GOLGB1: variants seen among roughly 807,000 people sequenced by gnomAD.
GOLGB1 encodes the protein golgin subfamily B member 1.
A neutral mutation model predicts 336.9 loss-of-function variants in GOLGB1; 174 were observed. That is an observed-to-expected ratio of 0.52 (90% CI 0.46 to 0.59). The LOEUF (loss-of-function observed/expected upper bound fraction) is 0.59, where lower values mean the gene tolerates loss of function less well. Ranked by LOEUF, GOLGB1 falls within the 20% of genes least tolerant of loss-of-function variation. The pLI, the probability that GOLGB1 is intolerant of heterozygous loss-of-function variation, is 0.00. For synonymous variants in GOLGB1, 1,208 were observed against 1,289.2 expected (o/e 0.94, Z 1.35); for missense variants, 3,331 against 3,645.3 (o/e 0.91, Z 2.22).
Position 121,698,499 on chromosome 3 carries a change from T to G in GOLGB1, c.2024A>C (p.Lys675Thr), listed in dbSNP as rs775081619. The change falls in exon 13 of 22, where the codon AAA becomes ACA. Residue 675 changes from lysine (K) to threonine (T), a missense_variant. Transcript: ENST00000614479. ...ELKSTKQDGDKSLSAVPDIGQ... is the reference protein window; with the variant it reads ...ELKSTKQDGDTSLSAVPDIGQ... ...AATATCTGGTACAGCAGAAAGGGAT[T>G]TATCACCATCCTGCTTTGTTGATTT... The G allele has an allele frequency of 1.9e-6, 3 of 1,613,540 alleles. No homozygotes were observed. The highest frequency in any genetic ancestry group is 2.5e-6 in the Non-Finnish European group (3 of 1,179,662).
chr3:121,664,532 T>C lies in GOLGB1; in HGVS notation c.9743A>G (p.Tyr3248Cys). The change falls in exon 22 of 22, where the codon TAC becomes TGC. Residue 3248 changes from tyrosine (Y) to cysteine (C), a missense_variant. Coordinates refer to ENST00000614479, the MANE Select transcript of GOLGB1 (RefSeq NM_001366282.2). ...GAGCAGGACATGAATCATTAGAAAGTAGATGGCTGCTAGAAGTGGCACTCG... is the reference window on the plus strand; with the variant it reads ...GAGCAGGACATGAATCATTAGAAAGCAGATGGCTGCTAGAAGTGGCACTCG... ...RTRVPLLAAIYFLMIHVLLIL... is the reference protein window; with the variant it reads ...RTRVPLLAAICFLMIHVLLIL... 1 of 1,613,738 alleles carries C rather than the reference T, an allele frequency of 6.2e-7. No individual in the cohort carries two copies. Among genetic ancestry groups the C allele is most frequent in the Non-Finnish European group, 8.5e-7 (1 of 1,179,678 alleles).
Position 121,692,449 on chromosome 3 carries a change from G to A in GOLGB1, c.6915C>T (p.Tyr2305=). 2 of 1,613,978 alleles carry A rather than the reference G, an allele frequency of 1.2e-6. No homozygotes were observed. Among genetic ancestry groups the A allele is most frequent in the Non-Finnish European group, 1.7e-6 (2 of 1,179,924 alleles). ...TAGCTAATTCATTCTGAGAACTGTGGTATAGGTGGCGTGTCTCTTCTAGCT... is the reference window on the plus strand; with the variant it reads ...TAGCTAATTCATTCTGAGAACTGTGATATAGGTGGCGTGTCTCTTCTAGCT... ...LSQLEETRHL[Y]HSSQNELAKL... The change falls in exon 14 of 22, where the codon TAC becomes TAT. Residue 2305 remains tyrosine (Y), a synonymous_variant. Coordinates refer to ENST00000614479, the MANE Select transcript of GOLGB1 (RefSeq NM_001366282.2).
intron 12 of GOLGB1, 44 bp from the exon 13 acceptor site, chr3:121,698,973 T>C (rs1255239747): frequency 2.9e-6 from 4 of 1,394,122 alleles, no homozygotes; most frequent in Non-Finnish European, 3.9e-6. Context: ...AAATGTTTTA[T>C]AACATTAAAA....
intron 5 of GOLGB1, among the ~76,000 whole-genome samples, chr3:121,725,479 C>G (rs1338358426): frequency 6.6e-6 from 1 of 152,138 alleles, no homozygotes; most frequent in Non-Finnish European, 1.5e-5. Flanking sequence ...AATGTGAACC[C>G]TATGCTTGTC....
At chr3:121,668,886 C>G (rs1390420473) in intron 18 of GOLGB1, among the ~76,000 whole-genome samples, 1 of 152,122 alleles carries the variant, frequency 6.6e-6, no homozygotes, top group East Asian at 1.9e-4. Flanking sequence ...GTTTTGTTCT[C>G]AGATCCAAAG....
At position 121,664,371 on chromosome 3, in the gene GOLGB1, GAGA is replaced by G. The variant is rs1271677629; in HGVS notation, c.*106_*108del. On this transcript the variant is annotated 3_prime_UTR_variant, in exon 22 of 22. Coordinates refer to ENST00000614479, the MANE Select transcript of GOLGB1 (RefSeq NM_001366282.2). ...CAGGCACTTTCCGTGAAGAGTTGGA[GAGA>G]AGACCTGTAAATGGGAAGACTGTTC... The G allele has an allele frequency of 1.4e-4, 139 of 993,444 alleles. No homozygotes were observed. The highest frequency in any genetic ancestry group is 5.7e-4 in the Admixed American group (32 of 55,788). The allele number at this position is 993,444 out of a possible 1,614,324, so 61.5% of individuals were successfully genotyped here.
At position 121,698,067 on chromosome 3, in the gene GOLGB1, A is replaced by G; in HGVS notation, c.2456T>C (p.Val819Ala). 6.2e-7 allele frequency: 1 copy of G among 1,613,982 alleles called. No homozygotes were observed. Among genetic ancestry groups the G allele is most frequent in the Non-Finnish European group, 8.5e-7 (1 of 1,179,946 alleles). ...EAKSKDVKIE[V>A]LQNELDDVQL... ...CACATCATCCAGTTCATTCTGTAAA[A>G]CTTCAATTTTCACATCTTTAGATTT... Residue 819 changes from valine (V) to alanine (A), a missense_variant, in exon 13 of 22, where the codon GTT (valine) becomes GCT (alanine). Coordinates refer to ENST00000614479, the MANE Select transcript of GOLGB1 (RefSeq NM_001366282.2).
rs772514977 is a variant in GOLGB1 at position 121,702,510 on chromosome 3, A to G, written c.1490T>C (p.Ile497Thr). ...NEKGALLLSS[I>T]ELEELKAENE... is the part of the protein sequence containing the mutation. Reference sequence around the variant, plus strand: ...CTCAGCTTTCAGCTCCTCCAGCTCTATAGAACTAAGGAGCAAGGCTCCCTT... The same window carrying G: ...CTCAGCTTTCAGCTCCTCCAGCTCTGTAGAACTAAGGAGCAAGGCTCCCTT... Residue 497 changes from isoleucine to threonine, a missense_variant, in exon 11 of 22, where the codon ATA becomes ACA. Coordinates refer to ENST00000614479, the MANE Select transcript of GOLGB1 (RefSeq NM_001366282.2). 4.6e-6 allele frequency: 7 copies of G among 1,525,484 alleles called. No homozygotes were observed. Among genetic ancestry groups the G allele is most frequent in the African/African-American group, 1.4e-5 (1 of 70,574 alleles). 94.5% of individuals were successfully genotyped at this position (1,525,484 alleles called of 1,614,324 possible). A position where few individuals can be genotyped will look rare whatever the true frequency, so the allele number is the denominator to read the frequency against.
intron 13 of GOLGB1, 47 bp downstream of exon 13, chr3:121,693,694 T>C: frequency 7.4e-7 from 1 of 1,359,042 alleles, no homozygotes. Flanking sequence ...GAGACTTTCT[T>C]TGCTTGAAGT....
chr3:121,709,616 TAGAAA>T (rs1480153181), intron 10 of GOLGB1, among the ~76,000 whole-genome samples: 2 of 152,080 alleles, frequency 1.3e-5, no homozygotes, highest in Admixed American at 1.3e-4. Context: ...CAGAGAAACT[TAGAAA>T]AATGTTCAAA....
At chr3:121,741,718 C>T (rs907351746) in intron 1 of GOLGB1, among the ~76,000 whole-genome samples, 3 of 152,040 alleles carry the variant, frequency 2.0e-5, no homozygotes, top group Non-Finnish European at 4.4e-5. Context: ...AATGACAATT[C>T]AGTATTTTAT....
intron 11 of GOLGB1, among the ~76,000 whole-genome samples, chr3:121,702,267 A>G (rs1052727212): frequency 2.0e-5 from 3 of 152,198 alleles, no homozygotes; most frequent in Non-Finnish European, 4.4e-5. Flanking sequence ...TGCAGCATGT[A>G]TAGTCCATAT....
intron 4 of GOLGB1, 127 bp downstream of exon 4, chr3:121,729,061 A>AG: frequency 3.1e-6 from 2 of 637,692 alleles, no homozygotes; most frequent in African/African-American, 3.8e-5. Flanking sequence ...CTATAAGAAA[A>AG]AAAAAAACAA....
At chr3:121,730,232 G>T in intron 2 of GOLGB1, 1 of 402,444 alleles carries the variant, frequency 2.5e-6, no homozygotes, top group Non-Finnish European at 4.4e-6. Context: ...TCCCATTTAA[G>T]GTATTATTAT....
At chr3:121,669,628 G>A (rs1400895925) in intron 17 of GOLGB1, among the ~76,000 whole-genome samples, 1 of 152,154 alleles carries the variant, frequency 6.6e-6, no homozygotes, top group African/African-American at 2.4e-5. Flanking sequence ...GAAAAACCAT[G>A]AAGCAGAAGT....
rs1452184085 is a variant in GOLGB1 at position 121,697,343 on chromosome 3, G to C, written c.3180C>G (p.Cys1060Trp). 2 of 1,613,328 alleles carry C rather than the reference G, an allele frequency of 1.2e-6. No individual in the cohort carries two copies. The highest frequency in any genetic ancestry group is 1.7e-5 in the Admixed American group (1 of 59,988). Residue 1060 changes from cysteine to tryptophan, a missense_variant, in exon 13 of 22, where the codon TGC becomes TGG. Physicochemically the swap from Cys to Trp is radical, Grantham distance 215. Coordinates refer to ENST00000614479, the MANE Select transcript of GOLGB1 (RefSeq NM_001366282.2). ...GTTTTAAATAAATTTCTATTTCTTG[G>C]CACTTAGAAGTCACACATTTTTCTG... ...EYSEKCVTSK[C>W]QEIEIYLKQT...
chr3:121,730,346 AACCACTACGC>A, intron 2 of GOLGB1: 1 of 221,052 alleles, frequency 4.5e-6, no homozygotes. Context: ...AAACTCTCTT[AACCACTACGC>A]ATTACTTCTT....
chr3:121,673,716 T>TA (rs1179771141), intron 17 of GOLGB1, among the ~76,000 whole-genome samples: 1 of 152,066 alleles, frequency 6.6e-6, no homozygotes, highest in Non-Finnish European at 1.5e-5. Context: ...TCTATCTATC[T>TA]ATCTATCTAT....
At chr3:121,740,269 G>A (rs1487583793) in intron 1 of GOLGB1, among the ~76,000 whole-genome samples, 1 of 152,124 alleles carries the variant, frequency 6.6e-6, no homozygotes, top group Non-Finnish European at 1.5e-5. Context: ...TATCCTAATT[G>A]TGATATTATG....
Sources: gnomAD v4.1 joint callset for allele counts (sites outside exome capture counted in the v4.1 genomes callset) on GRCh38, gnomAD v4.1.1 for gene constraint, MANE v1.5 for transcripts, NCBI Gene and HGNC (gene_info 2026-07-23, HGNC 2026-07-21) for gene names.